RAP1GDS1: variants seen among roughly 807,000 people sequenced by gnomAD.
RAP1GDS1 encodes the protein Rap1 GTPase-GDP dissociation stimulator 1.
In RAP1GDS1, 35 loss-of-function variants were observed where a neutral mutation model predicts 71.1. That is an observed-to-expected ratio of 0.49 (90% CI 0.38 to 0.65). The LOEUF (loss-of-function observed/expected upper bound fraction) is 0.65, where lower values mean the gene tolerates loss of function less well. RAP1GDS1 is among the 30% of genes least tolerant of loss of function. The pLI, the probability that RAP1GDS1 is intolerant of heterozygous loss-of-function variation, is 0.00. For synonymous variants in RAP1GDS1, 229 were observed against 243.1 expected, an observed-to-expected ratio of 0.94 and a Z score of 0.54; for missense variants, 663 against 706.1, an observed-to-expected ratio of 0.94 and a Z score of 0.69.
At chr4:98,441,187 G>A (rs1326053897) in intron 14 of RAP1GDS1, 1 of 317,856 alleles carries the variant, frequency 3.1e-6, no homozygotes, top group African/African-American at 2.3e-5. Flanking sequence ...TGGTTCATTG[G>A]TTTATGTCAG....
intron 2 of RAP1GDS1, among the ~76,000 whole-genome samples, chr4:98,333,993 A>C (rs1202923739): frequency 6.6e-6 from 1 of 152,188 alleles, no homozygotes; most frequent in African/African-American, 2.4e-5. Flanking sequence ...CAGTAAACTT[A>C]GGCAAAAATG....
At chr4:98,336,990 G>A (rs915085057) in intron 2 of RAP1GDS1, among the ~76,000 whole-genome samples, 1 of 152,090 alleles carries the variant, frequency 6.6e-6, no homozygotes, top group Admixed American at 6.5e-5. Context: ...TGCCTCCCAG[G>A]TTCAAGCGAT....
chr4:98,336,012 T>C (rs1028574070), intron 2 of RAP1GDS1, among the ~76,000 whole-genome samples: 4 of 152,208 alleles, frequency 2.6e-5, no homozygotes, highest in Non-Finnish European at 5.9e-5. Flanking sequence ...CTTCAAAAAA[T>C]CTTGCAGATG....
chr4:98,393,907 A>C (rs1307803510), intron 6 of RAP1GDS1, among the ~76,000 whole-genome samples: 1 of 152,188 alleles, frequency 6.6e-6, no homozygotes, highest in Non-Finnish European at 1.5e-5. Flanking sequence ...ATCTTACTAG[A>C]AAATCTAAAA....
At chr4:98,288,117 G>A (rs1181682000) in intron 1 of RAP1GDS1, among the ~76,000 whole-genome samples, 3 of 151,878 alleles carry the variant, frequency 2.0e-5, no homozygotes, top group Non-Finnish European at 4.4e-5. Context: ...TGCCATGTTG[G>A]TGTGCTGTAC....
chr4:98,416,692 A>C, intron 7 of RAP1GDS1, 53 bp from the exon 8 acceptor site: 4 of 1,484,402 alleles, frequency 2.7e-6, no homozygotes, highest in African/African-American at 1.4e-5. Context: ...TGCTTATACC[A>C]GAGCTCCTAT....
At chr4:98,426,504 T>C (rs914030034) in intron 12 of RAP1GDS1, among the ~76,000 whole-genome samples, 16 of 151,988 alleles carry the variant, frequency 1.1e-4, no homozygotes, top group Non-Finnish European at 1.6e-4. Flanking sequence ...AAAATTCAAA[T>C]AAGCTCACTT....
At chr4:98,422,790 A>G (rs1365121918) in intron 12 of RAP1GDS1, among the ~76,000 whole-genome samples, 1 of 152,194 alleles carries the variant, frequency 6.6e-6, no homozygotes, top group South Asian at 2.1e-4. Context: ...AATCTTGAGA[A>G]CTTTCCCTGG....
chr4:98,267,562 G>T (rs1019747433), intron 1 of RAP1GDS1, among the ~76,000 whole-genome samples: 1 of 152,102 alleles, frequency 6.6e-6, no homozygotes, highest in South Asian at 2.1e-4. Flanking sequence ...TACACCCAGT[G>T]CTTAGCTTCC....
In RAP1GDS1 at chr4:98,315,117, TAAC is replaced by T. The variant is rs772929703; in HGVS notation, c.112+21603_112+21605del. On this transcript the variant is annotated intron_variant, in intron 2 of 14. Transcript: ENST00000408927. ...TTAGAATATGCTTTATTGTCCTTAA[TAAC>T]TCCACTCAAATGTTACCTTATTTGC... Among the ~76,000 whole-genome samples, 7 of 152,312 alleles carry T rather than the reference TAAC, an allele frequency of 4.6e-5. No homozygotes were observed. The East Asian group carries it at 1.4e-3, about 29-fold the overall frequency.
intron 12 of RAP1GDS1, among the ~76,000 whole-genome samples, chr4:98,422,229 CT>C (rs1560997250): frequency 6.6e-6 from 1 of 151,630 alleles, no homozygotes; most frequent in Non-Finnish European, 1.5e-5. Context: ...TTTTCTTTTT[CT>C]TTTTTGAGAC....
intron 4 of RAP1GDS1, among the ~76,000 whole-genome samples, chr4:98,372,888 C>T (rs188427432): frequency 6.6e-6 from 1 of 152,222 alleles, no homozygotes; most frequent in East Asian, 1.9e-4. Flanking sequence ...CAGGTTCTCA[C>T]TGTGTTGCCC....
rs73832198 is a variant in RAP1GDS1, at chr4:98,275,099, T to C, written c.4+13530T>C. Among the ~76,000 whole-genome samples the C allele has an allele frequency of 3.7e-3, 569 of 151,918 alleles. 6 individuals are homozygous for C. The highest frequency in any genetic ancestry group is 0.013 in the African/African-American group (543 of 41,460). On this transcript the variant is annotated intron_variant, in intron 1 of 14. Transcript: ENST00000408927. ...TGAGATACTTTGTTTTATATTTTCC[T>C]GATTTCTCTGATGATAACTTCCTTT...
intron 5 of RAP1GDS1, among the ~76,000 whole-genome samples, chr4:98,390,285 G>A (rs1046567514): frequency 3.3e-5 from 5 of 152,034 alleles, no homozygotes; most frequent in South Asian, 2.1e-4. Context: ...TTTAAGTGTT[G>A]TGAATTATTG....
chr4:98,289,673 A>G (rs2110272630), intron 1 of RAP1GDS1, among the ~76,000 whole-genome samples: 1 of 152,228 alleles, frequency 6.6e-6, no homozygotes, highest in South Asian at 2.1e-4. Context: ...AACAGAAACT[A>G]CTATTCCTAC....
intron 2 of RAP1GDS1, among the ~76,000 whole-genome samples, chr4:98,334,785 A>G (rs1408850957): frequency 6.6e-6 from 1 of 151,818 alleles, no homozygotes; most frequent in Non-Finnish European, 1.5e-5. Context: ...GTTGTCATCG[A>G]GCTGTTATAC....
chr4:98,289,506 A>G (rs1391258818), intron 1 of RAP1GDS1, among the ~76,000 whole-genome samples: 1 of 150,464 alleles, frequency 6.6e-6, no homozygotes, highest in Non-Finnish European at 1.5e-5. Flanking sequence ...AGATGGCATA[A>G]TGTGAGTTGT....
At chr4:98,420,267 A>G (rs1748628369) in intron 11 of RAP1GDS1, 123 bp downstream of exon 11, 1 of 1,004,080 alleles carries the variant, frequency 1.0e-6, no homozygotes, top group South Asian at 4.4e-5. Context: ...CAAATAAAAG[A>G]TTTAAAAGTT....
intron 7 of RAP1GDS1, among the ~76,000 whole-genome samples, chr4:98,412,539 A>G (rs1019126822): frequency 1.3e-5 from 2 of 152,160 alleles, no homozygotes; most frequent in East Asian, 1.9e-4. Flanking sequence ...TGTGTTGCAA[A>G]TGTATTTTTC....
Sources: allele counts gnomAD v4.1 joint callset (sites outside exome capture counted in the v4.1 genomes callset), GRCh38; gene constraint gnomAD v4.1.1; transcripts MANE v1.5; gene names NCBI Gene and HGNC (gene_info 2026-07-23, HGNC 2026-07-21).